The following CNTN5 variants were observed in gnomAD, a reference collection of about 807,000 sequenced individuals.
CNTN5 encodes the protein contactin-5.
A neutral mutation model predicts 129.1 loss-of-function variants in CNTN5; 77 were observed. The ratio of observed to expected loss-of-function variants is 0.60; its 90% CI spans 0.50 to 0.72. The LOEUF is 0.72. Among genes scored for constraint, CNTN5 ranks in the 30% least tolerant of loss-of-function variants. The pLI is 0.00. For missense variants in CNTN5, 1,478 were observed against 1,328.8 expected, an observed-to-expected ratio of 1.11 and a Z score of -1.75; for synonymous variants, 509 against 465.6, an observed-to-expected ratio of 1.09 and a Z score of -1.20.
Position 99,339,575 on chromosome 11 carries a change from C to T in CNTN5, c.-71+14091C>T, listed in dbSNP as rs143913876. ...CGGGTGGATCACGAAGTCAGGAGAT[C>T]GAGACCATCCTGGCTAACACAGTGA... On this transcript the variant is annotated intron_variant, in intron 2 of 24. Transcript: ENST00000524871. Among the ~76,000 whole-genome samples, 815 of 151,972 alleles carry T rather than the reference C, an allele frequency of 5.4e-3. 27 individuals carry two copies. The highest frequency in any genetic ancestry group is 0.048 in the Admixed American group (732 of 15,238).
At chr11:99,759,076 C>T (rs1312214406) in intron 3 of CNTN5, among the ~76,000 whole-genome samples, 1 of 151,978 alleles carries the variant, frequency 6.6e-6, no homozygotes, top group African/African-American at 2.4e-5. Context: ...TGCATTGTCC[C>T]ATGCAATCCA....
intron 2 of CNTN5, among the ~76,000 whole-genome samples, chr11:99,470,690 A>G (rs1359663599): frequency 6.6e-6 from 1 of 152,186 alleles, no homozygotes; most frequent in African/African-American, 2.4e-5. Context: ...TTGATTTACA[A>G]AAAAGGAAAT....
chr11:100,172,736 G>A (rs568359747), intron 13 of CNTN5, among the ~76,000 whole-genome samples: 98 of 152,150 alleles, frequency 6.4e-4, no homozygotes, highest in African/African-American at 1.7e-3. Context: ...TGGAAAATAG[G>A]ATGGATATAG....
intron 3 of CNTN5, among the ~76,000 whole-genome samples, chr11:99,643,652 C>T (rs547910785): frequency 8.5e-5 from 13 of 152,086 alleles, no homozygotes; most frequent in Non-Finnish European, 1.8e-4. Context: ...ATAGCTACCA[C>T]TGGCTGGGCT....
At chr11:99,366,997 GA>G (rs979151069) in intron 2 of CNTN5, among the ~76,000 whole-genome samples, 13 of 152,194 alleles carry the variant, frequency 8.5e-5, no homozygotes, top group African/African-American at 3.1e-4. Context: ...ATTTATATTG[GA>G]AAAATAATTT....
chr11:99,337,366 G>A (rs758598684), intron 2 of CNTN5, among the ~76,000 whole-genome samples: 14 of 152,054 alleles, frequency 9.2e-5, no homozygotes, highest in African/African-American at 2.2e-4. Flanking sequence ...CTGAGAGCCC[G>A]GAACAGACAT....
chr11:99,169,513 G>T (rs1488702929), intron 1 of CNTN5, among the ~76,000 whole-genome samples: 1 of 152,020 alleles, frequency 6.6e-6, no homozygotes, highest in Non-Finnish European at 1.5e-5. Flanking sequence ...AAGAAAGAAA[G>T]TAGGTTGATG....
chr11:99,462,410 A>G (rs1944748514), intron 2 of CNTN5, among the ~76,000 whole-genome samples: 1 of 145,658 alleles, frequency 6.9e-6, no homozygotes. Flanking sequence ...GTTGGCAAAA[A>G]TTTCTAGAGA....
chr11:100,271,034 C>T, intron 17 of CNTN5, 58 bp from the exon 18 acceptor site: 2 of 1,358,904 alleles, frequency 1.5e-6, no homozygotes, highest in Non-Finnish European at 2.0e-6. Context: ...TTCTTGATTG[C>T]CATTTGTAGC....
chr11:99,297,479 AGTG>A (rs1864442386), intron 1 of CNTN5, among the ~76,000 whole-genome samples: 1 of 64,024 alleles, frequency 1.6e-5, no homozygotes, highest in African/African-American at 4.9e-5. Context: ...GACATGCTGT[AGTG>A]CCAAACCCAT....
intron 3 of CNTN5, among the ~76,000 whole-genome samples, chr11:99,780,023 T>G (rs976975755): frequency 6.6e-6 from 1 of 151,936 alleles, no homozygotes; most frequent in Non-Finnish European, 1.5e-5. Flanking sequence ...AGAGGGAGCA[T>G]GTTGTTGTTC....
intron 1 of CNTN5, among the ~76,000 whole-genome samples, chr11:99,229,828 G>A (rs1309260772): frequency 6.6e-6 from 1 of 151,986 alleles, no homozygotes; most frequent in Non-Finnish European, 1.5e-5. Flanking sequence ...AATGGTCACT[G>A]TGCTACTTCT....
At chr11:99,100,753 G>T (rs1866693208) in intron 1 of CNTN5, among the ~76,000 whole-genome samples, 3 of 151,944 alleles carry the variant, frequency 2.0e-5, no homozygotes. Context: ...TTAAACCAAA[G>T]TGTACAATAA....
intron 14 of CNTN5, 104 bp from the exon 15 acceptor site, chr11:100,193,384 T>G: frequency 1.5e-6 from 1 of 676,970 alleles, no homozygotes; most frequent in Non-Finnish European, 2.3e-6. Context: ...CTGGAGCAAC[T>G]GTATTGTATA....
At chr11:99,853,467 T>G (rs1184408016) in intron 6 of CNTN5, among the ~76,000 whole-genome samples, 1 of 152,056 alleles carries the variant, frequency 6.6e-6, no homozygotes, top group Non-Finnish European at 1.5e-5. Context: ...TGGTGCATTC[T>G]CGGCTCACTG....
intron 1 of CNTN5, among the ~76,000 whole-genome samples, chr11:99,025,486 C>G (rs1320413875): frequency 6.6e-6 from 1 of 151,736 alleles, no homozygotes; most frequent in Non-Finnish European, 1.5e-5. Context: ...AGGAGAACAT[C>G]TCATCTTCCA....
intron 8 of CNTN5, among the ~76,000 whole-genome samples, chr11:99,964,059 G>C (rs28814694): frequency 0.071 from 10,741 of 152,098 alleles, 395 homozygotes; most frequent in Middle Eastern, 0.082. Context: ...AGATTTTGGG[G>C]TGAGACAATG....
chr11:99,516,130 A>T (rs1479974804), intron 2 of CNTN5, among the ~76,000 whole-genome samples: 2 of 65,378 alleles, frequency 3.1e-5, no homozygotes, highest in African/African-American at 1.2e-4. Context: ...AGAAGGTGCT[A>T]ATTGTTAAAA....
At chr11:99,361,293 A>G (rs1354293418) in intron 2 of CNTN5, among the ~76,000 whole-genome samples, 1 of 152,154 alleles carries the variant, frequency 6.6e-6, no homozygotes, top group Non-Finnish European at 1.5e-5. Flanking sequence ...GCCTCTATCC[A>G]ATACCCAGTT....
Sources: allele counts gnomAD v4.1 joint callset (sites outside exome capture counted in the v4.1 genomes callset), GRCh38; gene constraint gnomAD v4.1.1; transcripts MANE v1.5; gene names NCBI Gene and HGNC (gene_info 2026-07-23, HGNC 2026-07-21).